HTT: variants seen among roughly 807,000 people sequenced by gnomAD.
The protein encoded by HTT is huntington disease protein.
In HTT, 104 loss-of-function variants were observed where a neutral mutation model predicts 362.3. That is an observed-to-expected ratio of 0.29 (90% CI 0.24 to 0.34). The LOEUF is 0.34. HTT is among the 10% of genes least tolerant of loss of function. HTT has a pLI of 1.00. For missense variants in HTT, 3,301 were observed against 3,928.6 expected, an observed-to-expected ratio of 0.84 and a Z score of 4.27; for synonymous variants, 1,577 against 1,548.7, an observed-to-expected ratio of 1.02 and a Z score of -0.43.
intron 35 of HTT, among the ~76,000 whole-genome samples, chr4:3,179,700 T>TGC (rs1718412946): frequency 6.7e-6 from 1 of 149,786 alleles, no homozygotes; most frequent in East Asian, 2.0e-4. Context: ...TCTGTGTGTG[T>TGC]GCTCATGTGT....
At chr4:3,106,086 A>G (rs1425076641) in intron 5 of HTT, among the ~76,000 whole-genome samples, 1 of 152,194 alleles carries the variant, frequency 6.6e-6, no homozygotes, top group Non-Finnish European at 1.5e-5. Flanking sequence ...AGAATCTTAT[A>G]TGGGTCGGGC....
At chr4:3,100,784 A>G (rs1714114689) in intron 3 of HTT, among the ~76,000 whole-genome samples, 1 of 152,216 alleles carries the variant, frequency 6.6e-6, no homozygotes, top group African/African-American at 2.4e-5. Context: ...GCTGGAGTGC[A>G]GTGGCTGATC....
rs192754725 is a variant in HTT at position 3,172,298 on chromosome 4, T to C, written c.3865-22T>C. Reference sequence around the variant, plus strand: ...AACGGGTCATCTCTGAGTCGCTTAATGTCTCACTTGTCTTTCTACAGTGTG... The same window carrying C: ...AACGGGTCATCTCTGAGTCGCTTAACGTCTCACTTGTCTTTCTACAGTGTG... On this transcript the variant is annotated intron_variant, in intron 29 of 66. Transcript: ENST00000355072. 1,024 of 1,402,932 alleles carry C rather than the reference T, an allele frequency of 7.3e-4. 5 individuals carry two copies. In the Middle Eastern group the frequency reaches 0.015, roughly 20 times the overall value. The allele number at this position is 1,402,932 out of a possible 1,614,324, so 86.9% of individuals were successfully genotyped here.
chr4:3,185,062 C>G (rs1718700015), intron 37 of HTT, among the ~76,000 whole-genome samples: 1 of 152,058 alleles, frequency 6.6e-6, no homozygotes, highest in South Asian at 2.1e-4. Context: ...GGAGCCAAAC[C>G]CTAATGGGAA....
chr4:3,233,097 G>A (rs1011082058), intron 60 of HTT, 66 bp from the exon 61 acceptor site: 42 of 1,392,236 alleles, frequency 3.0e-5, no homozygotes, highest in Admixed American at 3.8e-5. Context: ...CGCCTCGGCT[G>A]TGGGGAGGAG....
At chr4:3,130,251 A>C (rs1393464961) in intron 13 of HTT, 54 bp from the exon 14 acceptor site, 1 of 1,164,434 alleles carries the variant, frequency 8.6e-7, no homozygotes, top group Non-Finnish European at 1.2e-6. Context: ...TAAATGTATA[A>C]TTGTATTTTA....
rs575940687 is a variant in HTT, at chr4:3,162,362, C to T, written c.3864+1970C>T. 5.8e-4 allele frequency among the ~76,000 whole-genome samples: 88 copies of T among 152,262 alleles called. No homozygotes were observed. The Middle Eastern group carries it at 0.014, about 24-fold the overall frequency. The stretch of plus-strand genomic sequence containing the variant: ...AGTTTGAAGTCAGGTAGTGTGATGC[C>T]TCCAGCTTTGTTCTTCTAGCCCAGG... On this transcript the variant is annotated intron_variant, in intron 29 of 66. Coordinates refer to ENST00000355072, the MANE Select transcript of HTT (RefSeq NM_001388492.1).
intron 40 of HTT, among the ~76,000 whole-genome samples, chr4:3,189,310 A>G (rs1321453356): frequency 2.0e-5 from 3 of 152,218 alleles, no homozygotes; most frequent in Non-Finnish European, 4.4e-5. Context: ...GGGTGGTGAA[A>G]AGATATTTGC....
chr4:3,200,348 A>G (rs184661680), intron 41 of HTT, among the ~76,000 whole-genome samples: 8 of 152,346 alleles, frequency 5.3e-5, no homozygotes, highest in Admixed American at 5.2e-4. Flanking sequence ...GTAACAGTGT[A>G]GCAAATTTCA....
At chr4:3,133,471 G>A (rs886419514) in intron 18 of HTT, among the ~76,000 whole-genome samples, 6 of 151,208 alleles carry the variant, frequency 4.0e-5, no homozygotes, top group Non-Finnish European at 8.8e-5. Flanking sequence ...CCTCTAGCCT[G>A]GGCAACAGAG....
At chr4:3,171,265 T>C (rs1717957474) in intron 29 of HTT, among the ~76,000 whole-genome samples, 1 of 152,134 alleles carries the variant, frequency 6.6e-6, no homozygotes, top group Non-Finnish European at 1.5e-5. Context: ...AACAAGAATC[T>C]ATTGCTTATT....
chr4:3,220,633 A>G (rs1239224400), intron 53 of HTT, among the ~76,000 whole-genome samples: 1 of 151,890 alleles, frequency 6.6e-6, no homozygotes, highest in East Asian at 1.9e-4. Flanking sequence ...CAGTGGCAGC[A>G]CTTGTCTCAG....
In HTT at chr4:3,074,963, G is replaced by GCCGCCT. The variant is rs1652503359; in HGVS notation, c.141_146dup (p.Pro48_Pro49dup). ...AGCCGCCACCGCCGCCGCCGCCGCC[G>GCCGCCT]CCGCCTCCTCAGCTTCCTCAGCCGC... On this transcript the variant is annotated inframe_insertion, in exon 1 of 67. Coordinates refer to ENST00000355072, the MANE Select transcript of HTT (RefSeq NM_001388492.1). 2 of 1,492,468 alleles carry GCCGCCT rather than the reference G, an allele frequency of 1.3e-6. No individual in the cohort carries two copies. Among genetic ancestry groups the GCCGCCT allele is most frequent in the Non-Finnish European group, 1.8e-6 (2 of 1,125,474 alleles). The allele number at this position is 1,492,468 out of a possible 1,614,324, so 92.5% of individuals were successfully genotyped here.
At chr4:3,077,859 A>G (rs978238897) in intron 1 of HTT, among the ~76,000 whole-genome samples, 29 of 149,818 alleles carry the variant, frequency 1.9e-4, no homozygotes, top group African/African-American at 7.1e-4. Flanking sequence ...GGTATTCACT[A>G]ATTTTGAGTA....
chr4:3,085,057 T>C (rs1352744865), intron 1 of HTT, among the ~76,000 whole-genome samples: 1 of 151,886 alleles, frequency 6.6e-6, no homozygotes, highest in Non-Finnish European at 1.5e-5. Context: ...GTAGTGTCCT[T>C]GAGTTTACAT....
intron 53 of HTT, among the ~76,000 whole-genome samples, chr4:3,221,223 G>T (rs1264503930): frequency 6.6e-6 from 1 of 152,182 alleles, no homozygotes; most frequent in Non-Finnish European, 1.5e-5. Flanking sequence ...TGTGGCAGGA[G>T]ACACCTTGCC....
In HTT at chr4:3,099,393, A is replaced by G. The variant is rs1319979809; in HGVS notation, c.467A>G (p.Lys156Arg). The change falls in exon 3 of 67, where the codon AAA (lysine) becomes AGA (arginine). Residue 156 changes from lysine (K) to arginine (R), a missense_variant and splice_region_variant. Lys to Arg is a conservative substitution (Grantham distance 26). This residue lies in a region of HTT where 2,316 missense variants were observed against 2,658.5 expected (regional missense o/e 0.87). Coordinates refer to ENST00000355072, the MANE Select transcript of HTT (RefSeq NM_001388492.1). The stretch of plus-strand genomic sequence containing the variant: ...GACGAATGCCTCAACAAAGTTATCA[A>G]AGTAAGAACCGTGTGGATGATGTTC... ...VADECLNKVI[K>R]ALMDSNLPRL... 1.9e-6 allele frequency: 3 copies of G among 1,613,876 alleles called. No homozygotes were observed. The highest frequency in any genetic ancestry group is 2.5e-6 in the Non-Finnish European group (3 of 1,179,858).
chr4:3,136,095 A>T, intron 20 of HTT, 128 bp downstream of exon 20: 1 of 904,558 alleles, frequency 1.1e-6, no homozygotes, highest in Non-Finnish European at 1.7e-6. Context: ...ATATCATGAA[A>T]GTTATAATCT....
intron 34 of HTT, 122 bp from the exon 35 acceptor site, chr4:3,178,176 G>A: frequency 1.3e-6 from 1 of 748,220 alleles, no homozygotes; most frequent in South Asian, 1.7e-5. Flanking sequence ...GTAGATCACG[G>A]ACACCTGTTA....
Sources: allele counts gnomAD v4.1 joint callset (sites outside exome capture counted in the v4.1 genomes callset), GRCh38; gene constraint gnomAD v4.1.1; regional missense constraint gnomAD v4.1.1; transcripts MANE v1.5; gene names NCBI Gene and HGNC (gene_info 2026-07-23, HGNC 2026-07-21).